Variants in RANBP2 observed in about 807,000 individuals in gnomAD.
RANBP2 encodes E3 SUMO-protein ligase RanBP2.
Under a neutral mutation model 303.6 loss-of-function variants are expected in RANBP2, and 57 were observed. The ratio of observed to expected loss-of-function variants is 0.19; its 90% CI spans 0.15 to 0.23. RANBP2 has a LOEUF of 0.23. RANBP2 is among the 10% of genes least tolerant of loss of function. The pLI is 1.00. For synonymous variants in RANBP2, 1,167 were observed against 1,301.5 expected (o/e 0.90, Z 2.23); for missense variants, 3,138 against 3,780.8 (o/e 0.83, Z 4.46).
chr2:108,746,859 T>G (rs1358627125), intron 8 of RANBP2, 61 bp downstream of exon 8: 6 of 610,992 alleles, frequency 9.8e-6, no homozygotes, highest in Non-Finnish European at 1.8e-5. Context: ...TTAAGGCATA[T>G]CTTATGATAA....
the RANBP2 span, among the ~76,000 whole-genome samples, chr2:109,688,903 C>T: frequency 7.2e-6 from 1 of 139,700 alleles, no homozygotes; most frequent in Non-Finnish European, 1.6e-5. Context: ...TTCCTTCCTT[C>T]CTTTCTTCCT....
chr2:109,418,829 G>A, the RANBP2 span, among the ~76,000 whole-genome samples: 48 of 152,244 alleles, frequency 3.2e-4, no homozygotes, highest in African/African-American at 9.9e-4. Flanking sequence ...AAGCTGGGTC[G>A]TAGGGGGACC....
At chr2:108,720,026 C>T (rs1184014404) in intron 1 of RANBP2, 2 of 985,172 alleles carry the variant, frequency 2.0e-6, no homozygotes, top group South Asian at 9.4e-5. Flanking sequence ...GGCTTGGGCA[C>T]CCGGGTGCTG....
At chr2:108,853,712 G>A in the RANBP2 span, among the ~76,000 whole-genome samples, 1 of 148,404 alleles carries the variant, frequency 6.7e-6, no homozygotes, top group East Asian at 2.0e-4. Context: ...TTTTTGTAGA[G>A]ATGAGCTCTT....
the RANBP2 span, among the ~76,000 whole-genome samples, chr2:109,415,010 G>A: frequency 1.3e-5 from 2 of 152,220 alleles, no homozygotes; most frequent in Non-Finnish European, 1.5e-5. Flanking sequence ...CCTCCCGAGA[G>A]GGAAGCAGAG....
At chr2:108,793,327 C>T in the RANBP2 span, among the ~76,000 whole-genome samples, 631 of 151,906 alleles carry the variant, frequency 4.2e-3, 3 homozygotes, top group Non-Finnish European at 6.1e-3. Context: ...AGTGAGACTC[C>T]GTCTCAAAAA....
At chr2:108,791,678 A>G in the RANBP2 span, 3 of 1,604,516 alleles carry the variant, frequency 1.9e-6, no homozygotes, top group African/African-American at 1.3e-5. Context: ...TTTAAAGCCT[A>G]GATGATGAAC....
intron 13 of RANBP2, 74 bp downstream of exon 13, chr2:108,753,233 C>G (rs1169062754): frequency 9.3e-6 from 15 of 1,608,362 alleles, no homozygotes; most frequent in Non-Finnish European, 1.3e-5. Context: ...GAGCTATACA[C>G]TGCTTAAATT....
At chr2:109,046,474 T>G in the RANBP2 span, among the ~76,000 whole-genome samples, 1 of 149,786 alleles carries the variant, frequency 6.7e-6, no homozygotes, top group Non-Finnish European at 1.5e-5. Context: ...TGGCATGGTC[T>G]CGGCTCACTG....
At chr2:109,398,525 C>G in the RANBP2 span, 1 of 1,382,478 alleles carries the variant, frequency 7.2e-7, no homozygotes, top group African/African-American at 1.4e-5. Flanking sequence ...CTGGAGAGTG[C>G]AGAGGGCTGG....
chr2:109,008,017 G>T, the RANBP2 span, among the ~76,000 whole-genome samples: 34 of 152,178 alleles, frequency 2.2e-4, 1 homozygote, highest in African/African-American at 7.7e-4. Flanking sequence ...TTAAAGAGTC[G>T]ATTTTTGTGA....
the RANBP2 span, among the ~76,000 whole-genome samples, chr2:109,346,102 C>G: frequency 6.6e-6 from 1 of 152,224 alleles, no homozygotes; most frequent in African/African-American, 2.4e-5. Context: ...TGCCTCCGCT[C>G]TCTAAAATTG....
chr2:109,419,640 C>T, the RANBP2 span: 7 of 1,573,460 alleles, frequency 4.4e-6, no homozygotes, highest in African/African-American at 1.3e-5. Context: ...TGCCCCTCAA[C>T]GTGTGAGCTG....
At chr2:109,700,286 G>A in the RANBP2 span, among the ~76,000 whole-genome samples, 1 of 152,162 alleles carries the variant, frequency 6.6e-6, no homozygotes, top group Non-Finnish European at 1.5e-5. Context: ...GTTTTATTTT[G>A]CCAAGGTCGA....
At chr2:109,288,653 T>A in the RANBP2 span, among the ~76,000 whole-genome samples, 4 of 152,214 alleles carry the variant, frequency 2.6e-5, no homozygotes, top group African/African-American at 9.7e-5. Flanking sequence ...GAGACTGACT[T>A]CTTTTCACTC....
chr2:109,215,353 C>T, the RANBP2 span, among the ~76,000 whole-genome samples: 1 of 152,232 alleles, frequency 6.6e-6, no homozygotes, highest in South Asian at 2.1e-4. Context: ...TGATTTAACA[C>T]CAGAGAAGGG....
At chr2:108,737,370 T>C (rs1168487612) in intron 6 of RANBP2, among the ~76,000 whole-genome samples, 2 of 146,452 alleles carry the variant, frequency 1.4e-5, no homozygotes. Context: ...GATGGAGTCT[T>C]GCTGTGTCAC....
the RANBP2 span, among the ~76,000 whole-genome samples, chr2:109,737,784 A>G: frequency 1.6e-4 from 25 of 152,108 alleles, no homozygotes; most frequent in African/African-American, 6.0e-4. Flanking sequence ...CTGGGGTGAA[A>G]TGAAGTCTCA....
the RANBP2 span, chr2:109,594,876 A>G: frequency 2.6e-5 from 4 of 151,142 alleles, no homozygotes; most frequent in East Asian, 5.8e-4. Context: ...GTGACTGAAC[A>G]CTCCGAATAA....
Sources: gnomAD v4.1 joint callset for allele counts (sites outside exome capture counted in the v4.1 genomes callset) on GRCh38, gnomAD v4.1.1 for gene constraint, MANE v1.5 for transcripts, NCBI Gene and HGNC (gene_info 2026-07-23, HGNC 2026-07-21) for gene names.